Variants in HSD17B12 observed in about 807,000 individuals in gnomAD.
HSD17B12 encodes the protein hydroxysteroid 17-beta dehydrogenase 12, also known as very-long-chain 3-oxoacyl-CoA reductase.
A neutral mutation model predicts 39.3 loss-of-function variants in HSD17B12; 32 were observed. The ratio of observed to expected loss-of-function variants is 0.81; its 90% CI spans 0.61 to 1.09. The LOEUF is 1.09. Among genes scored for constraint, HSD17B12 ranks in the 50% least tolerant of loss-of-function variants. The probability of loss-of-function intolerance (pLI) is 0.00; values close to 1 mark genes in which losing one functional copy is unlikely to be tolerated. For missense variants in HSD17B12, 342 were observed against 382.9 expected (o/e 0.89, Z 0.89); for synonymous variants, 150 against 146.7 (o/e 1.02, Z -0.16).
intron 4 of HSD17B12, among the ~76,000 whole-genome samples, chr11:43,805,115 G>C (rs1951006178): frequency 6.6e-6 from 1 of 152,198 alleles, no homozygotes; most frequent in African/African-American, 2.4e-5. Context: ...CAGCTTCCTG[G>C]TCCCTGTTGA....
At chr11:43,569,149 C>A in the HSD17B12 span, among the ~76,000 whole-genome samples, 14 of 152,202 alleles carry the variant, frequency 9.2e-5, no homozygotes, top group East Asian at 2.5e-3. Flanking sequence ...GGCTGGGGTT[C>A]GGGTCTCCAA....
At chr11:43,817,306 C>G in intron 6 of HSD17B12, among the ~76,000 whole-genome samples, 1 of 152,144 alleles carries the variant, frequency 6.6e-6, no homozygotes, top group East Asian at 1.9e-4. Flanking sequence ...TCTGTTTACT[C>G]TGCTGATGTT....
chr11:43,822,186 G>T (rs963160007), intron 6 of HSD17B12, among the ~76,000 whole-genome samples: 1 of 152,056 alleles, frequency 6.6e-6, no homozygotes, highest in African/African-American at 2.4e-5. Context: ...ATGGGTGTGC[G>T]GCCCAAAGTG....
chr11:43,724,914 AG>A (rs1291602790), intron 1 of HSD17B12, among the ~76,000 whole-genome samples: 2 of 152,186 alleles, frequency 1.3e-5, no homozygotes, highest in African/African-American at 4.8e-5. Flanking sequence ...ATTTTTTAAC[AG>A]TGTATATTCA....
intron 1 of HSD17B12, among the ~76,000 whole-genome samples, chr11:43,709,418 A>G (rs1379134620): frequency 2.0e-5 from 3 of 152,226 alleles, no homozygotes; most frequent in African/African-American, 7.2e-5. Flanking sequence ...GAGCCACTGC[A>G]CCTGGCCCAT....
intron 3 of HSD17B12, among the ~76,000 whole-genome samples, chr11:43,783,773 A>G (rs1024275082): frequency 1.3e-5 from 2 of 152,016 alleles, no homozygotes; most frequent in Non-Finnish European, 2.9e-5. Context: ...GCGTTTGTTT[A>G]CATAGGATAC....
intron 6 of HSD17B12, among the ~76,000 whole-genome samples, chr11:43,827,490 A>G (rs921884658): frequency 1.3e-5 from 2 of 152,234 alleles, no homozygotes; most frequent in African/African-American, 4.8e-5. Context: ...CAGGAGTAAA[A>G]CAGAAAAAGT....
intron 3 of HSD17B12, among the ~76,000 whole-genome samples, chr11:43,781,408 G>A (rs1489462886): frequency 9.2e-5 from 14 of 152,030 alleles, no homozygotes; most frequent in Non-Finnish European, 1.0e-4. Context: ...GAGAAAGTCT[G>A]GTCTGTCTTT....
chr11:43,597,149 C>G, the HSD17B12 span, among the ~76,000 whole-genome samples: 2 of 152,314 alleles, frequency 1.3e-5, no homozygotes, highest in Non-Finnish European at 2.9e-5. Context: ...GAGGTCAAAA[C>G]AGAGTGCTGT....
chr11:43,831,039 G>T lies in HSD17B12; in HGVS notation c.536+29G>T. ...AGTCACAAGCTCACATACAAACACT[G>T]TGGAAGCAGAGCTCATGATTATTTA... On this transcript the variant is annotated intron_variant, in intron 7 of 10. Transcript: ENST00000278353. The surrounding 1 kb of genome is among the most constrained non-coding windows in gnomAD (Gnocchi z 4.1). 1 of 1,591,422 alleles carries T rather than the reference G, an allele frequency of 6.3e-7. No homozygotes were observed. The highest frequency in any genetic ancestry group is 8.6e-7 in the Non-Finnish European group (1 of 1,166,470).
At chr11:43,576,904 T>C in the HSD17B12 span, among the ~76,000 whole-genome samples, 1 of 152,136 alleles carries the variant, frequency 6.6e-6, no homozygotes, top group Admixed American at 6.5e-5. Flanking sequence ...GTCGGCGCTG[T>C]TGAGCTCGGT....
the HSD17B12 span, among the ~76,000 whole-genome samples, chr11:43,638,568 T>C: frequency 6.6e-6 from 1 of 152,236 alleles, no homozygotes; most frequent in African/African-American, 2.4e-5. Context: ...AACTTGGTTT[T>C]CTTAAACGGA....
the HSD17B12 span, among the ~76,000 whole-genome samples, chr11:43,611,069 A>G: frequency 2.6e-5 from 4 of 152,218 alleles, no homozygotes; most frequent in Admixed American, 6.5e-5. Context: ...ATTTGCATGC[A>G]GACTATCTAT....
At chr11:43,810,796 G>A (rs1211051344) in intron 4 of HSD17B12, among the ~76,000 whole-genome samples, 1 of 152,122 alleles carries the variant, frequency 6.6e-6, no homozygotes, top group Non-Finnish European at 1.5e-5. Flanking sequence ...GACATCATGT[G>A]TTGTTACACA....
At chr11:43,673,957 A>ACCTC in the HSD17B12 span, among the ~76,000 whole-genome samples, 19 of 152,308 alleles carry the variant, frequency 1.2e-4, no homozygotes, top group African/African-American at 4.3e-4. Context: ...TAAGAGTAGT[A>ACCTC]CCTACCTCAC....
intron 3 of HSD17B12, among the ~76,000 whole-genome samples, chr11:43,776,639 A>G (rs1026881923): frequency 1.2e-4 from 18 of 152,122 alleles, no homozygotes; most frequent in African/African-American, 3.9e-4. Flanking sequence ...TTTGGCTTTT[A>G]TTGCCATTGC....
the HSD17B12 span, among the ~76,000 whole-genome samples, chr11:43,573,889 C>T: frequency 6.6e-6 from 1 of 152,206 alleles, no homozygotes; most frequent in Non-Finnish European, 1.5e-5. Flanking sequence ...TATTGAAACA[C>T]TGCCGGCGTC....
the HSD17B12 span, among the ~76,000 whole-genome samples, chr11:43,591,887 T>C: frequency 1.3e-5 from 2 of 152,078 alleles, no homozygotes; most frequent in Admixed American, 1.3e-4. Flanking sequence ...TAACTTTCCA[T>C]AGGGAGTTTT....
At chr11:43,791,641 A>G (rs566361591) in intron 3 of HSD17B12, among the ~76,000 whole-genome samples, 45 of 152,286 alleles carry the variant, frequency 3.0e-4, no homozygotes, top group African/African-American at 1.0e-3. Flanking sequence ...GTGCAGAAAA[A>G]TCAACGTTGT....
Sources: gnomAD v4.1 joint callset for allele counts (sites outside exome capture counted in the v4.1 genomes callset) on GRCh38, gnomAD v4.1.1 for gene constraint, Gnocchi (gnomAD v3.1) non-coding constraint, MANE v1.5 for transcripts, NCBI Gene and HGNC (gene_info 2026-07-23, HGNC 2026-07-21) for gene names.